Variants in SDHA observed in about 807,000 individuals in gnomAD.
SDHA encodes the protein succinate dehydrogenase complex flavoprotein subunit A, also known as succinate dehydrogenase [ubiquinone] flavoprotein subunit, mitochondrial.
SDHA carries 48 observed loss-of-function variants against 78.4 expected under a neutral mutation model. That is an observed-to-expected ratio of 0.61 (90% CI 0.49 to 0.78). SDHA has a LOEUF of 0.78. Among genes scored for constraint, SDHA ranks in the 30% least tolerant of loss-of-function variants. The probability of loss-of-function intolerance (pLI) is 0.00; values close to 1 mark genes in which losing one functional copy is unlikely to be tolerated. For missense variants in SDHA, 680 were observed against 892.7 expected (o/e 0.76, Z 3.04); for synonymous variants, 326 against 353.9 (o/e 0.92, Z 0.88).
intron 7 of SDHA, among the ~76,000 whole-genome samples, chr5:231,373 A>G (rs1214021906): frequency 1.3e-5 from 2 of 151,792 alleles, no homozygotes; most frequent in Non-Finnish European, 2.9e-5. Flanking sequence ...CAGCCTGACC[A>G]ACATGGTGAC....
chr5:262,286 G>C, the SDHA span, among the ~76,000 whole-genome samples: 8 of 118,974 alleles, frequency 6.7e-5, no homozygotes, highest in South Asian at 2.8e-4. Context: ...TCCGCCTCCC[G>C]ACAGAGCATT....
intron 11 of SDHA, among the ~76,000 whole-genome samples, chr5:241,228 A>G (rs1736121283): frequency 6.6e-6 from 1 of 152,148 alleles, no homozygotes; most frequent in South Asian, 2.1e-4. Context: ...TGGATGAGTC[A>G]CAGCGTGGAG....
chr5:221,846 G>C (rs376761715), intron 1 of SDHA, among the ~76,000 whole-genome samples: 3 of 152,112 alleles, frequency 2.0e-5, no homozygotes, highest in African/African-American at 7.2e-5. Flanking sequence ...GTGATAATTT[G>C]TTCAAGATTG....
At chr5:235,105 C>T (rs762956557) in intron 8 of SDHA, 39 bp from the exon 9 acceptor site, 19 of 1,597,474 alleles carry the variant, frequency 1.2e-5, no homozygotes, top group Non-Finnish European at 1.5e-5. Context: ...CCTGCCGTTG[C>T]CGTTCTCTGC....
chr5:256,360 C>T lies in SDHA; in HGVS notation c.1935C>T (p.Ile645=), dbSNP rs762128553. Reference sequence around the variant, plus strand: ...TCACTCTGGAATATAGACCCGTGATCGACAAAACTTTGAACGAGGCTGACT... The same window carrying T: ...TCACTCTGGAATATAGACCCGTGATTGACAAAACTTTGAACGAGGCTGACT... The part of the protein sequence containing the change: ...GKVTLEYRPV[I]DKTLNEADCA... The change falls in exon 15 of 15, where the codon ATC becomes ATT. Residue 645 remains isoleucine (I), a synonymous_variant. Coordinates refer to ENST00000264932, the MANE Select transcript of SDHA (RefSeq NM_004168.4). 5.6e-6 allele frequency: 9 copies of T among 1,613,658 alleles called. No homozygotes were observed. Among genetic ancestry groups the T allele is most frequent in the East Asian group, 2.2e-5 (1 of 44,902 alleles).
rs545206811 is a variant in SDHA, at chr5:246,354, C to T, written c.1552-4638C>T. ...GCCATAAAGCCCAAGTAAATAGAAT[C>T]GATCCAGAGAAGACTTGAGCTGCAG... On this transcript the variant is annotated intron_variant, in intron 11 of 14. Transcript: ENST00000264932. 3.3e-3 allele frequency among the ~76,000 whole-genome samples: 466 copies of T among 143,362 alleles called. 11 individuals carry two copies. The highest frequency in any genetic ancestry group is 0.011 in the African/African-American group (434 of 38,146). 94.1% of individuals were successfully genotyped at this position (143,362 alleles called of 152,430 possible). A position where few individuals can be genotyped will look rare whatever the true frequency, so the allele number is the denominator to read the frequency against.
At position 244,762 on chromosome 5, in the gene SDHA, A is replaced by G. The variant is rs1480457877; in HGVS notation, c.1551+4286A>G. On this transcript the variant is annotated intron_variant, in intron 11 of 14. Transcript: ENST00000264932. Reference sequence around the variant, plus strand: ...ATTTCCATTGTGAAGGGCCCAATGGACAACCTGGGACTATTCAATGATAAC... The same window carrying G: ...ATTTCCATTGTGAAGGGCCCAATGGGCAACCTGGGACTATTCAATGATAAC... Among the ~76,000 whole-genome samples the G allele has an allele frequency of 5.9e-5, 9 of 152,314 alleles. No individual in the cohort carries two copies. The East Asian group carries it at 1.7e-3, about 29-fold the overall frequency.
rs775359678 is a variant in SDHA, at chr5:228,250, G to A, written c.687G>A (p.Gly229=). 5 of 1,613,560 alleles carry A rather than the reference G, an allele frequency of 3.1e-6. No homozygotes were observed. The highest frequency in any genetic ancestry group is 1.7e-5 in the Admixed American group (1 of 60,002). Residue 229 remains glycine (G), a synonymous_variant, in exon 6 of 15, where the codon GGG becomes GGA. Coordinates refer to ENST00000264932, the MANE Select transcript of SDHA (RefSeq NM_004168.4). ...CCTTGGATCTCCTGATGGAGAATGG[G>A]GAGTGCCGTGGTGTCATCGCACTGT... The part of the protein sequence containing the change: ...YFALDLLMEN[G]ECRGVIALCI...
chr5:247,668 G>A (rs1331505672), intron 11 of SDHA, among the ~76,000 whole-genome samples: 1 of 152,212 alleles, frequency 6.6e-6, no homozygotes, highest in Non-Finnish European at 1.5e-5. Context: ...ACTAGCTTAT[G>A]TACATGCATG....
chr5:256,825 T>C lies in SDHA; in HGVS notation c.*405T>C. 4.1e-6 allele frequency: 1 copy of C among 246,582 alleles called. No individual in the cohort carries two copies. The highest frequency in any genetic ancestry group is 7.8e-6 in the Non-Finnish European group (1 of 128,790). 15.3% of individuals were successfully genotyped at this position (246,582 alleles called of 1,614,324 possible). ...TGTATAGTTTCTTTTTTCTTTTTCT[T>C]TTCTTTTTTTTTTTTGAGACAGGAT... On this transcript the variant is annotated 3_prime_UTR_variant, in exon 15 of 15. Coordinates refer to ENST00000264932, the MANE Select transcript of SDHA (RefSeq NM_004168.4).
rs572182849 is a variant in SDHA at position 242,842 on chromosome 5, T to G, written c.1551+2366T>G. ...TCTGGTTCGTTCCACCTTGGAACCT[T>G]TTCATGCTAATAATAAGGGGGAAGG... is the stretch of plus-strand genomic sequence containing the variant. On this transcript the variant is annotated intron_variant, in intron 11 of 14. Transcript: ENST00000264932. Among the ~76,000 whole-genome samples the G allele has an allele frequency of 2.0e-3, 297 of 152,278 alleles. 2 individuals carry two copies. Among genetic ancestry groups the G allele is most frequent in the African/African-American group, 6.9e-3 (287 of 41,548 alleles).
chr5:244,116 C>T lies in SDHA; in HGVS notation c.1551+3640C>T, dbSNP rs111662575. Among the ~76,000 whole-genome samples the T allele has an allele frequency of 1.1e-3, 168 of 152,148 alleles. 1 individual carries two copies. Among genetic ancestry groups the T allele is most frequent in the African/African-American group, 3.7e-3 (154 of 41,520 alleles). ...GCCATGAGGGGCCCGTCCTGGGTCCCGTTCCAAACCGGGGCATTTCCGGCT... is the reference window on the plus strand; with the variant it reads ...GCCATGAGGGGCCCGTCCTGGGTCCTGTTCCAAACCGGGGCATTTCCGGCT... On this transcript the variant is annotated intron_variant, in intron 11 of 14. Coordinates refer to ENST00000264932, the MANE Select transcript of SDHA (RefSeq NM_004168.4).
rs375645919 is a variant in SDHA at position 225,442 on chromosome 5, G to C, written c.336G>C (p.Gly112=). ...AGGGAGGAATCAATGCTGCTCTGGG[G>C]AACATGGAGGAGGACAACTGGAGGT... ...AAQGGINAAL[G]NMEEDNWRWH... is the part of the protein sequence containing the mutation. The change falls in exon 4 of 15, where the codon GGG becomes GGC. Residue 112 remains glycine (G), a synonymous_variant. Coordinates refer to ENST00000264932, the MANE Select transcript of SDHA (RefSeq NM_004168.4). The C allele has an allele frequency of 1.9e-6, 3 of 1,612,872 alleles. No individual in the cohort carries two copies. Among genetic ancestry groups the C allele is most frequent in the Non-Finnish European group, 2.5e-6 (3 of 1,179,840 alleles).
rs150646390 is a variant in SDHA at position 226,028 on chromosome 5, T to C, written c.602T>C (p.Leu201Ser). Residue 201 changes from leucine (L) to serine (S), a missense_variant, in exon 5 of 15, where the codon TTG (leucine) becomes TCG (serine). By Grantham distance (145) the Leu-to-Ser change is moderately radical (BLOSUM62 -2). Transcript: ENST00000264932. ...GCTGATCGGACTGGCCACTCGCTAT[T>C]GCACACCTTATATGGAAGGGTAAGG... ...CVADRTGHSL[L>S]HTLYGRSLRY... 6.2e-7 allele frequency: 1 copy of C among 1,614,152 alleles called. No individual in the cohort carries two copies. The highest frequency in any genetic ancestry group is 8.5e-7 in the Non-Finnish European group (1 of 1,180,012).
intron 11 of SDHA, among the ~76,000 whole-genome samples, chr5:243,748 G>T (rs1024062937): frequency 6.6e-6 from 1 of 152,196 alleles, no homozygotes; most frequent in Non-Finnish European, 1.5e-5. Context: ...CGATTGCCAG[G>T]CTGCTCTGTG....
At chr5:235,916 A>T (rs1315032114) in intron 9 of SDHA, 4 of 240,352 alleles carry the variant, frequency 1.7e-5, no homozygotes, top group Non-Finnish European at 3.3e-5. Flanking sequence ...TGCTTGTAAC[A>T]GCAGGTGCTC....
rs761334674 is a variant in SDHA, at chr5:232,825, A to C, written c.896-652A>C. Among the ~76,000 whole-genome samples the C allele has an allele frequency of 2.6e-5, 4 of 152,256 alleles. No individual in the cohort carries two copies. The East Asian group carries it at 7.7e-4, about 29-fold the overall frequency. ...CTTGGCATGCCCTGTTTCTCATCGC[A>C]CTGAGGAGTCACAGAGCCGCTGTTT... On this transcript the variant is annotated intron_variant, in intron 7 of 14. Transcript: ENST00000264932.
chr5:223,684 A>G, intron 2 of SDHA, 116 bp downstream of exon 2: 1 of 723,190 alleles, frequency 1.4e-6, no homozygotes, highest in Non-Finnish European at 2.6e-6. Context: ...TCTCATAGGT[A>G]TCCAATGCAT....
At chr5:241,208 C>A (rs1246090135) in intron 11 of SDHA, among the ~76,000 whole-genome samples, 6 of 152,176 alleles carry the variant, frequency 3.9e-5, no homozygotes, top group Non-Finnish European at 8.8e-5. Context: ...CTGACCATTG[C>A]TGGCTGTCAT....
Sources: gnomAD v4.1 joint callset for allele counts (sites outside exome capture counted in the v4.1 genomes callset) on GRCh38, gnomAD v4.1.1 for gene constraint, MANE v1.5 for transcripts, NCBI Gene and HGNC (gene_info 2026-07-23, HGNC 2026-07-21) for gene names.